Variants in ANTXR2 observed in about 807,000 individuals in gnomAD.
The protein encoded by ANTXR2 is anthrax toxin receptor 2.
ANTXR2 carries 44 observed loss-of-function variants against 73.7 expected under a neutral mutation model. The observed-to-expected ratio is 0.60, with a 90% CI of 0.47 to 0.77. The LOEUF (loss-of-function observed/expected upper bound fraction) is 0.77. ANTXR2 is among the 30% of genes least tolerant of loss of function. The pLI, the probability that ANTXR2 is intolerant of heterozygous loss-of-function variation, is 0.00. For missense variants in ANTXR2, 604 were observed against 592.5 expected, an observed-to-expected ratio of 1.02 and a Z score of -0.20; for synonymous variants, 217 against 205.9, an observed-to-expected ratio of 1.05 and a Z score of -0.46.
At chr4:80,072,341 C>T in intron 1 of ANTXR2, 68 bp downstream of exon 1, 1 of 1,466,734 alleles carries the variant, frequency 6.8e-7, no homozygotes, top group South Asian at 1.4e-5. Flanking sequence ...ACACGCATCT[C>T]AGCCTCAGCC....
intron 16 of ANTXR2, among the ~76,000 whole-genome samples, chr4:79,946,266 A>G (rs1328781651): frequency 2.0e-5 from 3 of 152,190 alleles, no homozygotes; most frequent in African/African-American, 4.8e-5. Flanking sequence ...TGGGTTACTA[A>G]GTTAGGTCGT....
At chr4:79,959,776 CAG>C (rs1242385861) in intron 16 of ANTXR2, among the ~76,000 whole-genome samples, 8 of 152,122 alleles carry the variant, frequency 5.3e-5, no homozygotes, top group South Asian at 2.1e-4. Context: ...GTAGTGACAA[CAG>C]GGGGTCAAAG....
chr4:80,017,260 C>T (rs1032296860), intron 11 of ANTXR2, among the ~76,000 whole-genome samples: 8 of 152,346 alleles, frequency 5.3e-5, no homozygotes, highest in African/African-American at 1.7e-4. Context: ...GACTTGTCAC[C>T]TCAGGCTTTG....
intron 16 of ANTXR2, among the ~76,000 whole-genome samples, chr4:79,935,477 T>C (rs1452024192): frequency 6.6e-6 from 1 of 151,208 alleles, no homozygotes; most frequent in Non-Finnish European, 1.5e-5. Flanking sequence ...AGAAACATAC[T>C]GAACATCAAA....
At chr4:79,952,904 A>C (rs922204015) in intron 16 of ANTXR2, among the ~76,000 whole-genome samples, 2 of 152,208 alleles carry the variant, frequency 1.3e-5, no homozygotes, top group Non-Finnish European at 2.9e-5. Context: ...TATTTCTTAT[A>C]ATTTGATAAA....
chr4:80,034,354 A>T (rs1274872087), intron 8 of ANTXR2, among the ~76,000 whole-genome samples: 1 of 152,164 alleles, frequency 6.6e-6, no homozygotes, highest in Non-Finnish European at 1.5e-5. Context: ...GCTTATTTAA[A>T]AGGTAAATTG....
At chr4:79,921,379 T>A (rs1279196634) in intron 16 of ANTXR2, among the ~76,000 whole-genome samples, 1 of 151,984 alleles carries the variant, frequency 6.6e-6, no homozygotes, top group Admixed American at 6.6e-5. Context: ...CTTTTAGGAC[T>A]CTAAAGCAAT....
chr4:79,996,847 T>C (rs1025926946), intron 12 of ANTXR2, among the ~76,000 whole-genome samples: 1 of 152,006 alleles, frequency 6.6e-6, no homozygotes, highest in Non-Finnish European at 1.5e-5. Flanking sequence ...TTAAAAGGCA[T>C]AATATTGCCT....
intron 12 of ANTXR2, among the ~76,000 whole-genome samples, chr4:79,998,165 ACATATCAT>A (rs1730820271): frequency 6.6e-6 from 1 of 151,952 alleles, no homozygotes; most frequent in African/African-American, 2.4e-5. Flanking sequence ...TTCCAGCTAG[ACATATCAT>A]CATCGCGTGA....
chr4:79,922,039 G>C (rs1344800662), intron 16 of ANTXR2, among the ~76,000 whole-genome samples: 1 of 151,956 alleles, frequency 6.6e-6, no homozygotes, highest in Non-Finnish European at 1.5e-5. Flanking sequence ...AACATATACG[G>C]ATTAAAACTC....
At chr4:80,045,620 C>G (rs1361603015) in intron 7 of ANTXR2, among the ~76,000 whole-genome samples, 1 of 149,848 alleles carries the variant, frequency 6.7e-6, no homozygotes, top group Non-Finnish European at 1.5e-5. Context: ...GCTTTAAACA[C>G]TAAAGGATTC....
intron 7 of ANTXR2, among the ~76,000 whole-genome samples, chr4:80,043,228 G>A (rs947982943): frequency 1.2e-4 from 18 of 150,622 alleles, no homozygotes; most frequent in South Asian, 4.2e-4. Flanking sequence ...AAAACATATT[G>A]AGTTCTAAAT....
chr4:79,927,278 A>T (rs1727857106), intron 16 of ANTXR2, among the ~76,000 whole-genome samples: 1 of 123,872 alleles, frequency 8.1e-6, no homozygotes, highest in East Asian at 2.6e-4. Flanking sequence ...AAGAGAGTAG[A>T]TTTTAGGAGC....
rs1000682782 is a variant in ANTXR2, at chr4:79,902,702, T to C, written c.*4727A>G. On this transcript the variant is annotated 3_prime_UTR_variant, in exon 17 of 17. Coordinates refer to ENST00000403729, the MANE Select transcript of ANTXR2 (RefSeq NM_058172.6). Reference sequence around the variant, plus strand: ...ACTAAGAAATTATTATGGCTAATTATCAACATATACTATAGTTCAAGGTAT... The same window carrying C: ...ACTAAGAAATTATTATGGCTAATTACCAACATATACTATAGTTCAAGGTAT... 1.3e-5 allele frequency: 2 copies of C among 149,706 alleles called. No homozygotes were observed. Among genetic ancestry groups the C allele is most frequent in the African/African-American group, 4.9e-5 (2 of 41,100 alleles). The allele number at this position is 149,706 out of a possible 1,614,324, so 9.3% of individuals were successfully genotyped here. A position where few individuals can be genotyped will look rare whatever the true frequency, so the allele number is the denominator to read the frequency against.
In ANTXR2 at chr4:79,906,456, G is replaced by A. The variant is rs1252287876; in HGVS notation, c.*973C>T. On this transcript the variant is annotated 3_prime_UTR_variant, in exon 17 of 17. Transcript: ENST00000403729. Reference sequence around the variant, plus strand: ...GCAAAGAGAGTTGCTGGCTTGTGACGCTGAAGAGCCCTTGGAGACTTGAAG... The same window carrying A: ...GCAAAGAGAGTTGCTGGCTTGTGACACTGAAGAGCCCTTGGAGACTTGAAG... 1 of 152,686 alleles carries A rather than the reference G, an allele frequency of 6.5e-6. No homozygotes were observed. Among genetic ancestry groups the A allele is most frequent in the East Asian group, 1.9e-4 (1 of 5,170 alleles). 9.5% of individuals were successfully genotyped at this position (152,686 alleles called of 1,614,324 possible).
chr4:79,992,504 T>A (rs181041438), intron 12 of ANTXR2, among the ~76,000 whole-genome samples: 74 of 152,048 alleles, frequency 4.9e-4, no homozygotes, highest in Non-Finnish European at 7.7e-4. Flanking sequence ...ATTTTATTTT[T>A]TTAATAATCA....
intron 16 of ANTXR2, among the ~76,000 whole-genome samples, chr4:79,937,035 A>C (rs992168737): frequency 1.4e-4 from 20 of 147,518 alleles, no homozygotes; most frequent in African/African-American, 5.1e-4. Flanking sequence ...TGTTGCAAAG[A>C]AGAAAAATGT....
chr4:79,908,467 A>T (rs1221986491), intron 16 of ANTXR2, among the ~76,000 whole-genome samples: 2 of 152,150 alleles, frequency 1.3e-5, no homozygotes, highest in Non-Finnish European at 2.9e-5. Context: ...TAAAAGCAGA[A>T]TTTTTTTCCA....
At chr4:79,994,201 C>G (rs1006164959) in intron 12 of ANTXR2, among the ~76,000 whole-genome samples, 17 of 151,980 alleles carry the variant, frequency 1.1e-4, no homozygotes, top group African/African-American at 3.1e-4. Context: ...ACTTATTTCT[C>G]TATCTCCAAT....
Sources: gnomAD v4.1 joint callset for allele counts (sites outside exome capture counted in the v4.1 genomes callset) on GRCh38, gnomAD v4.1.1 for gene constraint, MANE v1.5 for transcripts, NCBI Gene and HGNC (gene_info 2026-07-23, HGNC 2026-07-21) for gene names.